NGEF: variants seen among roughly 807,000 people sequenced by gnomAD.
The protein encoded by NGEF is ephexin-1.
A neutral mutation model predicts 80.9 loss-of-function variants in NGEF; 31 were observed. The ratio of observed to expected loss-of-function variants is 0.38; its 90% CI spans 0.29 to 0.52. The LOEUF (loss-of-function observed/expected upper bound fraction) is 0.52. NGEF is among the 20% of genes least tolerant of loss of function. The pLI is 0.84. For missense variants in NGEF, 709 were observed against 926.2 expected, an observed-to-expected ratio of 0.77 and a Z score of 3.04; for synonymous variants, 371 against 370.2, an observed-to-expected ratio of 1.00 and a Z score of -0.03.
rs892094487 is a variant in NGEF at position 232,976,993 on chromosome 2, C to T, written c.-74-2029G>A. Reference sequence around the variant, plus strand: ...ACACACTTAGGATGGACCATTAATACGCACCCTTCCCGGGAGTGCCTGGGA... The same window carrying T: ...ACACACTTAGGATGGACCATTAATATGCACCCTTCCCGGGAGTGCCTGGGA... On this transcript the variant is annotated intron_variant, in intron 1 of 14. Coordinates refer to ENST00000264051, the MANE Select transcript of NGEF (RefSeq NM_019850.3). 3.3e-4 allele frequency among the ~76,000 whole-genome samples: 50 copies of T among 152,128 alleles called. 1 individual carries two copies. Among genetic ancestry groups the T allele is most frequent in the Non-Finnish European group, 6.0e-4 (41 of 68,030 alleles).
rs1297961893 is a variant in NGEF at position 233,013,100 on chromosome 2, C to T, written c.-107G>A. ...AGAGGAGCTCATAGGAGTTGGGCTTCCTCAGAGAGTGTTCCTCCCTCGTCC... is the reference window on the plus strand; with the variant it reads ...AGAGGAGCTCATAGGAGTTGGGCTTTCTCAGAGAGTGTTCCTCCCTCGTCC... On this transcript the variant is annotated 5_prime_UTR_variant, in exon 1 of 15. Coordinates refer to ENST00000264051, the MANE Select transcript of NGEF (RefSeq NM_019850.3). 2.1e-6 allele frequency: 1 copy of T among 471,228 alleles called. No homozygotes were observed. Among genetic ancestry groups the T allele is most frequent in the Non-Finnish European group, 4.4e-6 (1 of 227,088 alleles). The allele number at this position is 471,228 out of a possible 1,614,324, so 29.2% of individuals were successfully genotyped here. A position where few individuals can be genotyped will look rare whatever the true frequency, so the allele number is the denominator to read the frequency against.
chr2:232,975,262 A>G (rs897259772), intron 1 of NGEF, among the ~76,000 whole-genome samples: 2 of 152,230 alleles, frequency 1.3e-5, no homozygotes, highest in African/African-American at 4.8e-5. Context: ...TTCCAGAGAA[A>G]AAGGGTGGCA....
At chr2:232,970,671 C>T (rs183946634) in intron 2 of NGEF, among the ~76,000 whole-genome samples, 9 of 152,012 alleles carry the variant, frequency 5.9e-5, no homozygotes, top group Admixed American at 3.9e-4. Flanking sequence ...AAAAATTAGC[C>T]GGGTGTGGTA....
At chr2:232,989,064 G>T (rs6717097) in intron 1 of NGEF, among the ~76,000 whole-genome samples, 1 of 152,090 alleles carries the variant, frequency 6.6e-6, no homozygotes, top group Non-Finnish European at 1.5e-5. Flanking sequence ...CTGAAATAAG[G>T]TTAAATTAGA....
chr2:232,978,779 G>A (rs575724532), intron 1 of NGEF, among the ~76,000 whole-genome samples: 5 of 152,204 alleles, frequency 3.3e-5, no homozygotes, highest in African/African-American at 1.2e-4. Flanking sequence ...GAGAGCAGTG[G>A]TGCAGTAGAG....
At chr2:233,010,585 T>C (rs1435927766) in intron 1 of NGEF, among the ~76,000 whole-genome samples, 1 of 152,170 alleles carries the variant, frequency 6.6e-6, no homozygotes, top group Non-Finnish European at 1.5e-5. Context: ...ATTTTTTTTT[T>C]TCCTTGTCCA....
chr2:233,009,605 C>T (rs1695160058), intron 1 of NGEF, among the ~76,000 whole-genome samples: 1 of 151,574 alleles, frequency 6.6e-6, no homozygotes, highest in Non-Finnish European at 1.5e-5. Context: ...TTGGGATGAG[C>T]CTGGGCAAGA....
At chr2:232,988,036 C>CGTGT (rs57143286) in intron 1 of NGEF, among the ~76,000 whole-genome samples, 2,261 of 140,200 alleles carry the variant, frequency 0.016, 28 homozygotes, top group African/African-American at 0.02. Context: ...GGGATGGTCT[C>CGTGT]GTGTGTGTGT....
At chr2:232,986,196 G>A (rs889553591) in intron 1 of NGEF, among the ~76,000 whole-genome samples, 10 of 152,314 alleles carry the variant, frequency 6.6e-5, no homozygotes, top group African/African-American at 2.4e-4. Context: ...TTATAAGAAA[G>A]ATAAGACAGA....
At chr2:232,982,958 G>A (rs1267970901) in intron 1 of NGEF, among the ~76,000 whole-genome samples, 2 of 152,218 alleles carry the variant, frequency 1.3e-5, no homozygotes, top group South Asian at 2.1e-4. Context: ...CCCAGAAGAC[G>A]CTCTGTGTCC....
intron 5 of NGEF, among the ~76,000 whole-genome samples, chr2:232,916,988 C>CT (rs1213785674): frequency 2.6e-5 from 4 of 152,268 alleles, no homozygotes; most frequent in African/African-American, 2.4e-5. Context: ...CAGAGGCCAC[C>CT]TGCCCGCCTC....
chr2:233,009,597 G>T (rs969848398), intron 1 of NGEF, among the ~76,000 whole-genome samples: 2 of 151,934 alleles, frequency 1.3e-5, no homozygotes, highest in Non-Finnish European at 2.9e-5. Flanking sequence ...GTAAGAGTTT[G>T]GGATGAGCCT....
Position 232,927,132 on chromosome 2 carries a change from C to T in NGEF, c.438G>A (p.Leu146=), listed in dbSNP as rs753160417. ...CGGTGAGCGTGGTGGGGCTGTCGGC[C>T]AGGGCCGGCCACTCCTCGGGCGTGG... is the stretch of plus-strand genomic sequence containing the variant. ...NGATPEEWPA[L]ADSPTTLTEA... The change falls in exon 4 of 15, where the codon CTG becomes CTA. Residue 146 remains leucine (L), a synonymous_variant. Transcript: ENST00000264051. 3 of 1,611,642 alleles carry T rather than the reference C, an allele frequency of 1.9e-6. No homozygotes were observed. Among genetic ancestry groups the T allele is most frequent in the Middle Eastern group, 3.4e-4 (2 of 5,898 alleles).
At chr2:232,882,389 C>T in intron 12 of NGEF, 124 bp from the exon 13 acceptor site, 2 of 867,732 alleles carry the variant, frequency 2.3e-6, no homozygotes. Flanking sequence ...ACCGCTCAAG[C>T]CCACCCCAGG....
At chr2:232,926,423 C>T (rs1015337864) in intron 4 of NGEF, among the ~76,000 whole-genome samples, 1 of 151,960 alleles carries the variant, frequency 6.6e-6, no homozygotes, top group Non-Finnish European at 1.5e-5. Flanking sequence ...TCAGGTGCAG[C>T]TGTGTAGCAG....
chr2:232,914,882 T>A (rs970047046), intron 5 of NGEF, among the ~76,000 whole-genome samples: 10 of 151,832 alleles, frequency 6.6e-5, no homozygotes, highest in Admixed American at 6.6e-4. Flanking sequence ...CTGGGCGTGG[T>A]GGTGCACGCC....
intron 1 of NGEF, among the ~76,000 whole-genome samples, chr2:233,008,109 T>C (rs1292344451): frequency 6.6e-6 from 1 of 152,192 alleles, no homozygotes; most frequent in Non-Finnish European, 1.5e-5. Context: ...AAAACCCATA[T>C]GTGAGGGTTC....
At chr2:232,948,946 A>G (rs970223748) in intron 3 of NGEF, among the ~76,000 whole-genome samples, 1 of 152,148 alleles carries the variant, frequency 6.6e-6, no homozygotes, top group Non-Finnish European at 1.5e-5. Flanking sequence ...TGAATCCAGG[A>G]GGCAGAGGTT....
At position 232,892,393 on chromosome 2, in the gene NGEF, C is replaced by A. The variant is rs1018374327; in HGVS notation, c.1142+505G>T. On this transcript the variant is annotated intron_variant, in intron 7 of 14. Transcript: ENST00000264051. This position sits in a 1 kb window ranked among gnomAD's most constrained non-coding sequence, Gnocchi z 4.0. The stretch of plus-strand genomic sequence containing the variant: ...CAGTGCGCAGAATTCAGAAGAGGCA[C>A]GCTGGCTGGAAAATTACCTTGTCAA... Among the ~76,000 whole-genome samples the A allele has an allele frequency of 6.6e-6, 1 of 152,114 alleles. No homozygotes were observed. The highest frequency in any genetic ancestry group is 1.9e-4 in the East Asian group (1 of 5,178).
Sources: gnomAD v4.1 joint callset for allele counts (sites outside exome capture counted in the v4.1 genomes callset) on GRCh38, gnomAD v4.1.1 for gene constraint, Gnocchi (gnomAD v3.1) non-coding constraint, MANE v1.5 for transcripts, NCBI Gene and HGNC (gene_info 2026-07-23, HGNC 2026-07-21) for gene names.